Variants in TRAPPC9 observed in about 807,000 individuals in gnomAD.
TRAPPC9 encodes IKK2 binding protein.
Under a neutral mutation model 124.0 loss-of-function variants are expected in TRAPPC9, and 83 were observed. That is an observed-to-expected ratio of 0.67 (90% confidence interval 0.56 to 0.80). TRAPPC9 has a LOEUF of 0.80. Among genes scored for constraint, TRAPPC9 ranks in the 30% least tolerant of loss-of-function variants. The pLI, the probability that TRAPPC9 is intolerant of heterozygous loss-of-function variation, is 0.00. For missense variants in TRAPPC9, 1,302 were observed against 1,508.3 expected (o/e 0.86, Z 2.27); for synonymous variants, 638 against 617.5 (o/e 1.03, Z -0.49).
At chr8:140,051,486 G>A (rs937202441) in intron 17 of TRAPPC9, among the ~76,000 whole-genome samples, 1 of 151,102 alleles carries the variant, frequency 6.6e-6, no homozygotes, top group Non-Finnish European at 1.5e-5. Flanking sequence ...TGACACAGAA[G>A]ATGAGGAGGC....
intron 17 of TRAPPC9, among the ~76,000 whole-genome samples, chr8:140,134,488 A>G (rs567655989): frequency 6.6e-6 from 1 of 152,072 alleles, no homozygotes; most frequent in East Asian, 1.9e-4. Flanking sequence ...CTGGTCTCGA[A>G]CTCCTGACCT....
chr8:140,123,666 T>C (rs943855178), intron 17 of TRAPPC9, among the ~76,000 whole-genome samples: 2 of 152,242 alleles, frequency 1.3e-5, no homozygotes, highest in Non-Finnish European at 2.9e-5. Context: ...AAATTATAGT[T>C]GCATAGTCTT....
chr8:140,122,453 T>TA (rs2061006697), intron 17 of TRAPPC9, among the ~76,000 whole-genome samples: 1 of 152,226 alleles, frequency 6.6e-6, no homozygotes, highest in Admixed American at 6.5e-5. Context: ...AAGCAATAGA[T>TA]AACTATTGCA....
At chr8:140,349,465 C>G (rs1264445006) in intron 9 of TRAPPC9, among the ~76,000 whole-genome samples, 92 of 149,864 alleles carry the variant, frequency 6.1e-4, no homozygotes, top group Non-Finnish European at 5.9e-5. Flanking sequence ...CACAGGGGGG[C>G]CGAAGGGGGC....
At chr8:140,283,496 A>G (rs569071560) in intron 14 of TRAPPC9, among the ~76,000 whole-genome samples, 3 of 150,236 alleles carry the variant, frequency 2.0e-5, no homozygotes, top group African/African-American at 7.3e-5. Flanking sequence ...ACGGGGTTTC[A>G]CCGTGTTAGC....
chr8:140,161,414 A>T (rs1004647028), intron 17 of TRAPPC9, among the ~76,000 whole-genome samples: 35 of 150,002 alleles, frequency 2.3e-4, no homozygotes, highest in Non-Finnish European at 4.0e-4. Flanking sequence ...AACATCTCCA[A>T]TTTTTTTTTT....
intron 17 of TRAPPC9, among the ~76,000 whole-genome samples, chr8:140,145,076 AT>A (rs1024829815): frequency 1.6e-4 from 24 of 151,380 alleles, no homozygotes; most frequent in Non-Finnish European, 3.1e-4. Flanking sequence ...GGGTTTCACC[AT>A]TTTGGCCAGG....
chr8:139,810,231 A>G (rs1386712836), intron 21 of TRAPPC9, among the ~76,000 whole-genome samples: 1 of 152,252 alleles, frequency 6.6e-6, no homozygotes, highest in African/African-American at 2.4e-5. Context: ...CTAACAGGGC[A>G]GCAGAAGCTA....
chr8:140,443,273 A>G (rs1047468126), intron 2 of TRAPPC9, among the ~76,000 whole-genome samples: 2 of 150,126 alleles, frequency 1.3e-5, no homozygotes, highest in Admixed American at 6.7e-5. Flanking sequence ...GTCTCTACTA[A>G]AAAATACAAA....
chr8:140,178,841 G>A (rs2062132786), intron 17 of TRAPPC9, among the ~76,000 whole-genome samples: 1 of 152,044 alleles, frequency 6.6e-6, no homozygotes, highest in African/African-American at 2.4e-5. Flanking sequence ...ATAAATATTG[G>A]TGATGTGCAT....
In TRAPPC9 at chr8:140,044,753, C is replaced by G. The variant is rs556364022; in HGVS notation, c.2557-20674G>C. On this transcript the variant is annotated intron_variant, in intron 17 of 22. Coordinates refer to ENST00000438773, the MANE Select transcript of TRAPPC9 (RefSeq NM_001160372.4). The stretch of plus-strand genomic sequence containing the variant: ...AATAAGTCCCTATTATAAATGGAAA[C>G]CTTATAGTCCCGCAGATGCTCTTTA... 4.1e-4 allele frequency among the ~76,000 whole-genome samples: 62 copies of G among 152,302 alleles called. No homozygotes were observed. The South Asian group carries it at 0.012, about 31-fold the overall frequency.
At chr8:140,091,743 C>T (rs1168420010) in intron 17 of TRAPPC9, among the ~76,000 whole-genome samples, 1 of 152,206 alleles carries the variant, frequency 6.6e-6, no homozygotes, top group East Asian at 1.9e-4. Flanking sequence ...GGGTTCTGAT[C>T]TGCTGTCCCG....
At chr8:140,292,361 G>A (rs559480480) in intron 11 of TRAPPC9, among the ~76,000 whole-genome samples, 4 of 152,326 alleles carry the variant, frequency 2.6e-5, no homozygotes, top group African/African-American at 7.2e-5. Context: ...CACAGCAAGC[G>A]AGAGGAGCTG....
At chr8:140,281,583 C>T (rs560908352) in intron 14 of TRAPPC9, among the ~76,000 whole-genome samples, 2 of 152,240 alleles carry the variant, frequency 1.3e-5, no homozygotes, top group East Asian at 3.9e-4. Flanking sequence ...TCTTTGGAAG[C>T]GTAAAAGCTT....
intron 21 of TRAPPC9, among the ~76,000 whole-genome samples, chr8:139,881,478 C>T (rs904125174): frequency 1.3e-5 from 2 of 152,192 alleles, no homozygotes; most frequent in Admixed American, 1.3e-4. Flanking sequence ...TGCCTAACAA[C>T]CTGCTGAAGC....
chr8:139,833,637 C>T (rs1379734123), intron 21 of TRAPPC9, among the ~76,000 whole-genome samples: 3 of 152,234 alleles, frequency 2.0e-5, no homozygotes, highest in Non-Finnish European at 4.4e-5. Context: ...ACTGTGCTGC[C>T]CCTTCCCAGA....
intron 16 of TRAPPC9, among the ~76,000 whole-genome samples, chr8:140,243,735 G>T (rs56375232): frequency 0.64 from 97,443 of 152,056 alleles, 33,832 homozygotes; most frequent in East Asian, 0.99. Context: ...CCCCATTTTT[G>T]AAAAAAGCAA....
At chr8:139,925,948 C>T (rs990504260) in intron 19 of TRAPPC9, among the ~76,000 whole-genome samples, 16 of 152,176 alleles carry the variant, frequency 1.1e-4, no homozygotes, top group African/African-American at 3.9e-4. Flanking sequence ...CCTGACTCCC[C>T]AAGAGGCACA....
intron 17 of TRAPPC9, among the ~76,000 whole-genome samples, chr8:140,190,933 C>A (rs1468791259): frequency 6.6e-6 from 1 of 152,168 alleles, no homozygotes; most frequent in African/African-American, 2.4e-5. Context: ...TGGTTGAGGG[C>A]TTCTCCAACA....
Sources: gnomAD v4.1 joint callset for allele counts (sites outside exome capture counted in the v4.1 genomes callset) on GRCh38, gnomAD v4.1.1 for gene constraint, MANE v1.5 for transcripts, NCBI Gene and HGNC (gene_info 2026-07-23, HGNC 2026-07-21) for gene names.